The following EYA2 variants were observed in gnomAD, a reference collection of about 807,000 sequenced individuals.
EYA2 encodes EYA transcriptional coactivator and phosphatase 2.
Under a neutral mutation model 69.2 loss-of-function variants are expected in EYA2, and 31 were observed. The observed-to-expected ratio is 0.45, with a 90% CI of 0.34 to 0.60. EYA2 has a LOEUF of 0.60. EYA2 is among the 20% of genes least tolerant of loss of function. The pLI is 0.02. For synonymous variants in EYA2, 257 were observed against 279.4 expected (o/e 0.92, Z 0.80); for missense variants, 622 against 701.2 (o/e 0.89, Z 1.28).
chr20:46,988,963 C>T (rs1184917095), intron 1 of EYA2, among the ~76,000 whole-genome samples: 1 of 152,152 alleles, frequency 6.6e-6, no homozygotes, highest in Non-Finnish European at 1.5e-5. Context: ...GCCTCAGCCT[C>T]CCAAAGTGCT....
intron 9 of EYA2, among the ~76,000 whole-genome samples, chr20:47,125,047 GTTTTTTTTTTTT>G (rs11478823): frequency 2.6e-3 from 228 of 88,426 alleles, no homozygotes; most frequent in African/African-American, 7.1e-3. Context: ...TTTTGGTTAA[GTTTTTTTTTTTT>G]TTTTTTTTTT....
chr20:46,933,410 G>A (rs754588056), intron 1 of EYA2, among the ~76,000 whole-genome samples: 1 of 152,168 alleles, frequency 6.6e-6, no homozygotes, highest in East Asian at 1.9e-4. Context: ...CACAGATCTG[G>A]CCCATAAGGA....
intron 12 of EYA2, among the ~76,000 whole-genome samples, chr20:47,177,977 A>G (rs2034455299): frequency 6.6e-6 from 1 of 152,208 alleles, no homozygotes; most frequent in South Asian, 2.1e-4. Flanking sequence ...TATAAACTAA[A>G]GGGACCTGAC....
chr20:47,128,777 G>A (rs984806290), intron 9 of EYA2, among the ~76,000 whole-genome samples: 1 of 152,098 alleles, frequency 6.6e-6, no homozygotes, highest in Non-Finnish European at 1.5e-5. Flanking sequence ...ATATTTTGAG[G>A]AGGAAATGGG....
At chr20:47,164,008 C>T (rs936262805) in intron 10 of EYA2, among the ~76,000 whole-genome samples, 1 of 152,162 alleles carries the variant, frequency 6.6e-6, no homozygotes, top group African/African-American at 2.4e-5. Context: ...TGCCATTCAG[C>T]ACCCACCCCA....
chr20:47,142,115 C>CT (rs1264544457), intron 9 of EYA2, among the ~76,000 whole-genome samples: 1 of 152,186 alleles, frequency 6.6e-6, no homozygotes, highest in Non-Finnish European at 1.5e-5. Flanking sequence ...CTACTCACCT[C>CT]TGACTTTGTA....
Position 47,180,922 on chromosome 20 carries a change from G to C in EYA2, c.1421G>C (p.Ser474Thr), listed in dbSNP as rs1372408687. ...GSVFPIENIYSATKTGKESCF... is the reference protein window; with the variant it reads ...GSVFPIENIYTATKTGKESCF... ...GTGTTTCCTATTGAGAACATCTACA[G>C]TGCAACCAAGACAGGTAGGGAGAAG... Residue 474 changes from serine to threonine, a missense_variant, in exon 14 of 16, where the codon AGT becomes ACT. Around this residue, in one of 2 missense-constraint regions of EYA2, gnomAD observed 257 missense variants for 351.5 expected, o/e 0.73. Transcript: ENST00000327619. 6.2e-7 allele frequency: 1 copy of C among 1,614,096 alleles called. No homozygotes were observed. Among genetic ancestry groups the C allele is most frequent in the South Asian group, 1.1e-5 (1 of 91,058 alleles).
At chr20:47,045,679 T>A (rs1215380712) in intron 5 of EYA2, among the ~76,000 whole-genome samples, 5 of 152,204 alleles carry the variant, frequency 3.3e-5, no homozygotes, top group African/African-American at 1.2e-4. Context: ...ACATGAGCAA[T>A]GGAATTGCTA....
At chr20:46,960,067 G>A (rs1165221651) in intron 1 of EYA2, among the ~76,000 whole-genome samples, 1 of 152,220 alleles carries the variant, frequency 6.6e-6, no homozygotes, top group African/African-American at 2.4e-5. Context: ...GCTAGGTCTG[G>A]CAGCCAGAGC....
At chr20:47,014,350 C>T (rs1054500954) in intron 4 of EYA2, among the ~76,000 whole-genome samples, 1 of 152,130 alleles carries the variant, frequency 6.6e-6, no homozygotes, top group Non-Finnish European at 1.5e-5. Flanking sequence ...CAAAAACCAT[C>T]AGCAGAACTA....
chr20:46,968,539 C>T (rs982181758), intron 1 of EYA2, among the ~76,000 whole-genome samples: 1 of 152,184 alleles, frequency 6.6e-6, no homozygotes, highest in African/African-American at 2.4e-5. Flanking sequence ...GTTTGGAAAG[C>T]TCATTCCCCT....
intron 5 of EYA2, among the ~76,000 whole-genome samples, chr20:47,016,575 C>T (rs993059769): frequency 5.3e-5 from 8 of 152,130 alleles, no homozygotes; most frequent in African/African-American, 1.9e-4. Flanking sequence ...GAGTGATGAG[C>T]ACTTGGGAGG....
chr20:47,097,247 C>A, intron 9 of EYA2, 79 bp downstream of exon 9: 2 of 1,188,222 alleles, frequency 1.7e-6, no homozygotes, highest in Non-Finnish European at 1.2e-6. Flanking sequence ...GGAAATTGTG[C>A]GGACAGTTTA....
intron 1 of EYA2, among the ~76,000 whole-genome samples, chr20:46,926,004 GCA>G (rs959948296): frequency 3.9e-5 from 6 of 152,244 alleles, no homozygotes; most frequent in Non-Finnish European, 7.4e-5. Flanking sequence ...TACTTTCCAG[GCA>G]CCAATTTGAT....
chr20:47,057,071 GGGA>G (rs1003588959), intron 5 of EYA2, among the ~76,000 whole-genome samples: 1 of 143,244 alleles, frequency 7.0e-6, no homozygotes, highest in African/African-American at 2.6e-5. Flanking sequence ...AAAGAAGGGA[GGGA>G]GGGAGGGAGG....
At position 46,997,209 on chromosome 20, in the gene EYA2, C is replaced by T. The variant is rs1376443730; in HGVS notation, c.110-4219C>T. Among the ~76,000 whole-genome samples the T allele has an allele frequency of 2.6e-5, 4 of 152,092 alleles. No individual in the cohort carries two copies. The East Asian group carries it at 5.8e-4, about 22-fold the overall frequency. On this transcript the variant is annotated intron_variant, in intron 2 of 15. Transcript: ENST00000327619. Reference sequence around the variant, plus strand: ...CAGCTCAGCCCAGAGAACTCACTAACGTGAGAACATGATAAAACTTACTCA... The same window carrying T: ...CAGCTCAGCCCAGAGAACTCACTAATGTGAGAACATGATAAAACTTACTCA...
chr20:47,178,073 G>A (rs1359902731), intron 12 of EYA2, among the ~76,000 whole-genome samples: 1 of 152,228 alleles, frequency 6.6e-6, no homozygotes, highest in Non-Finnish European at 1.5e-5. Flanking sequence ...GTTCACACCT[G>A]TAATTCCAGC....
At chr20:47,010,450 G>C (rs1214744337) in intron 4 of EYA2, among the ~76,000 whole-genome samples, 1 of 152,052 alleles carries the variant, frequency 6.6e-6, no homozygotes, top group Non-Finnish European at 1.5e-5. Flanking sequence ...GAAGATAAAA[G>C]CTTCAAAGCC....
chr20:47,118,925 G>C (rs1042217862), intron 9 of EYA2, among the ~76,000 whole-genome samples: 2 of 152,172 alleles, frequency 1.3e-5, no homozygotes, highest in Non-Finnish European at 2.9e-5. Flanking sequence ...AAAGAAAAAG[G>C]AGAGGGATTT....
Sources: gnomAD v4.1 joint callset for allele counts (sites outside exome capture counted in the v4.1 genomes callset) on GRCh38, gnomAD v4.1.1 for gene constraint, gnomAD v4.1.1 regional missense constraint, MANE v1.5 for transcripts, NCBI Gene and HGNC (gene_info 2026-07-23, HGNC 2026-07-21) for gene names.